Variants in FOXK1 observed in about 807,000 individuals in gnomAD.
The protein encoded by FOXK1 is forkhead box K1.
In FOXK1, 19 loss-of-function variants were observed where a neutral mutation model predicts 51.9. That is an observed-to-expected ratio of 0.37 (90% CI 0.26 to 0.54). FOXK1 has a LOEUF of 0.54. Ranked by LOEUF, FOXK1 falls within the 20% of genes least tolerant of loss-of-function variation. The pLI, the probability that FOXK1 is intolerant of heterozygous loss-of-function variation, is 0.87. For synonymous variants in FOXK1, 537 were observed against 482.6 expected, an observed-to-expected ratio of 1.11 and a Z score of -1.48; for missense variants, 870 against 1,032.7, an observed-to-expected ratio of 0.84 and a Z score of 2.16.
rs565645446 is a variant in FOXK1 at position 4,709,203 on chromosome 7, G to A, written c.560+26335G>A. Among the ~76,000 whole-genome samples, 42 of 152,200 alleles carry A rather than the reference G, an allele frequency of 2.8e-4. No homozygotes were observed. The highest frequency in any genetic ancestry group is 2.9e-5 in the Non-Finnish European group (2 of 68,008). On this transcript the variant is annotated intron_variant, in intron 1 of 8. Transcript: ENST00000328914. This position sits in a 1 kb window ranked among gnomAD's most constrained non-coding sequence, Gnocchi z 5.6. The stretch of plus-strand genomic sequence containing the variant: ...GGGCCCGAGGCCCCAGGATACCCCC[G>A]TGCCTTACCCACGCTATTTGCTGCC...
Position 4,758,842 on chromosome 7 carries a change from G to A in FOXK1, c.1245-209G>A. On this transcript the variant is annotated intron_variant, in intron 5 of 8. Transcript: ENST00000328914. The surrounding 1 kb of genome is among the most constrained non-coding windows in gnomAD (Gnocchi z 4.4). ...TGATACCGTCCCCTCTCATGGAACG[G>A]AGCCTCCCCCATGCAGCCCCCACTC... The A allele has an allele frequency of 1.7e-6, 1 of 590,136 alleles. No homozygotes were observed. 36.6% of individuals were successfully genotyped at this position (590,136 alleles called of 1,614,324 possible).
At chr7:4,705,151 G>A (rs1780067591) in intron 1 of FOXK1, among the ~76,000 whole-genome samples, 2 of 151,910 alleles carry the variant, frequency 1.3e-5, no homozygotes, top group African/African-American at 4.8e-5. Flanking sequence ...TTTTTCATCA[G>A]TCTACATTCT....
chr7:4,742,292 G>A (rs542999396), intron 2 of FOXK1, among the ~76,000 whole-genome samples: 1 of 152,240 alleles, frequency 6.6e-6, no homozygotes, highest in Non-Finnish European at 1.5e-5. Context: ...TGGAGCGAGC[G>A]CTGTGGCAAT....
At chr7:4,727,144 G>T (rs992385490) in intron 1 of FOXK1, among the ~76,000 whole-genome samples, 3 of 151,746 alleles carry the variant, frequency 2.0e-5, no homozygotes, top group African/African-American at 7.3e-5. Flanking sequence ...TAGAGACGGG[G>T]TCTCACTCTG....
At chr7:4,700,621 G>C (rs190695270) in intron 1 of FOXK1, among the ~76,000 whole-genome samples, 2 of 152,266 alleles carry the variant, frequency 1.3e-5, no homozygotes, top group Admixed American at 1.3e-4. Context: ...TTGAAGACCA[G>C]CCTGGGCAAC....
chr7:4,747,473 T>G lies in FOXK1; in HGVS notation c.746+6450T>G, dbSNP rs748515813. The stretch of plus-strand genomic sequence containing the variant: ...AGTGCACTTCAGAAACAAGTTAATT[T>G]TATTTTCTAAATTATTATTTTTAAT... On this transcript the variant is annotated intron_variant, in intron 2 of 8. Transcript: ENST00000328914. The surrounding 1 kb of genome is among the most constrained non-coding windows in gnomAD (Gnocchi z 9.2). Among the ~76,000 whole-genome samples the G allele has an allele frequency of 2.6e-5, 4 of 152,240 alleles. No homozygotes were observed. Among genetic ancestry groups the G allele is most frequent in the Admixed American group, 6.5e-5 (1 of 15,284 alleles).
rs1490320774 is a variant in FOXK1, at chr7:4,763,352, C to T, written c.*888C>T. ...GCCGCTGCTCTGCAGACCAGACCTT[C>T]CCGAATTATCCGTGGCTCCGATGTC... is the stretch of plus-strand genomic sequence containing the variant. On this transcript the variant is annotated 3_prime_UTR_variant, in exon 9 of 9. Coordinates refer to ENST00000328914, the MANE Select transcript of FOXK1 (RefSeq NM_001037165.2). 6.6e-6 allele frequency: 1 copy of T among 152,280 alleles called. No homozygotes were observed. Among genetic ancestry groups the T allele is most frequent in the Non-Finnish European group, 1.5e-5 (1 of 68,082 alleles). The allele number at this position is 152,280 out of a possible 1,614,324, so 9.4% of individuals were successfully genotyped here.
At position 4,693,995 on chromosome 7, in the gene FOXK1, C is replaced by A. The variant is rs141269943; in HGVS notation, c.560+11127C>A. 5.7e-3 allele frequency among the ~76,000 whole-genome samples: 866 copies of A among 152,304 alleles called. 10 individuals carry two copies. The highest frequency in any genetic ancestry group is 0.02 in the African/African-American group (851 of 41,566). ...TCCTGGGCTCAAACGATCCTCCTGC[C>A]TCAGCCTTCTGAGTAGCTGATACTA... On this transcript the variant is annotated intron_variant, in intron 1 of 8. Coordinates refer to ENST00000328914, the MANE Select transcript of FOXK1 (RefSeq NM_001037165.2).
chr7:4,708,893 C>T (rs1034295096), intron 1 of FOXK1, among the ~76,000 whole-genome samples: 3 of 151,994 alleles, frequency 2.0e-5, no homozygotes, highest in Non-Finnish European at 4.4e-5. Context: ...AGTGAGACCC[C>T]GTCTCTACTA....
chr7:4,725,753 G>C (rs1165469553), intron 1 of FOXK1, among the ~76,000 whole-genome samples: 1 of 152,262 alleles, frequency 6.6e-6, no homozygotes, highest in African/African-American at 2.4e-5. Context: ...TGGCTGCCCG[G>C]GCTGGGCTGC....
rs557241891 is a variant in FOXK1 at position 4,749,162 on chromosome 7, C to T, written c.747-5297C>T. 6.6e-6 allele frequency among the ~76,000 whole-genome samples: 1 copy of T among 152,270 alleles called. No homozygotes were observed. Among genetic ancestry groups the T allele is most frequent in the Admixed American group, 6.5e-5 (1 of 15,292 alleles). ...AATTCTTATTTTTTAATTTGAAGAG[C>T]GTGTTCTTGCTCTGCAGGTGTGCTT... On this transcript the variant is annotated intron_variant, in intron 2 of 8. Coordinates refer to ENST00000328914, the MANE Select transcript of FOXK1 (RefSeq NM_001037165.2). The surrounding 1 kb of genome is among the most constrained non-coding windows in gnomAD (Gnocchi z 6.0).
chr7:4,756,406 G>A lies in FOXK1; in HGVS notation c.1051-588G>A, dbSNP rs1337380362. On this transcript the variant is annotated intron_variant, in intron 4 of 8. Coordinates refer to ENST00000328914, the MANE Select transcript of FOXK1 (RefSeq NM_001037165.2). This position sits in a 1 kb window ranked among gnomAD's most constrained non-coding sequence, Gnocchi z 4.1. ...GCTGGGATTACAGGCGTGAGCCACT[G>A]TGCCCGGCCAAGACCCAGTGTTTTC... 6.6e-6 allele frequency among the ~76,000 whole-genome samples: 1 copy of A among 151,962 alleles called. No homozygotes were observed. The highest frequency in any genetic ancestry group is 1.5e-5 in the Non-Finnish European group (1 of 67,974).
Position 4,682,664 on chromosome 7 carries a change from G to T in FOXK1, c.356G>T (p.Arg119Leu). Residue 119 changes from arginine (R) to leucine (L), a missense_variant, in exon 1 of 9, where the codon CGC (arginine) becomes CTC (leucine). Arg to Leu is a moderately radical substitution (Grantham distance 102). Coordinates refer to ENST00000328914, the MANE Select transcript of FOXK1 (RefSeq NM_001037165.2). This position sits in a 1 kb window ranked among gnomAD's most constrained non-coding sequence, Gnocchi z 7.6. Reference sequence around the variant, plus strand: ...GGCCGCGAGTTCGAGTTCCTCATGCGCCAGCCCAGCGTCACCATCGGCCGC... The same window carrying T: ...GGCCGCGAGTTCGAGTTCCTCATGCTCCAGCCCAGCGTCACCATCGGCCGC... ...LEGREFEFLMRQPSVTIGRNS... is the reference protein window; with the variant it reads ...LEGREFEFLMLQPSVTIGRNS... The T allele has an allele frequency of 6.3e-7, 1 of 1,584,288 alleles. No individual in the cohort carries two copies. The highest frequency in any genetic ancestry group is 8.5e-7 in the Non-Finnish European group (1 of 1,171,410).
rs1047874390 is a variant in FOXK1 at position 4,766,728 on chromosome 7, C to A, written c.*4264C>A. On this transcript the variant is annotated 3_prime_UTR_variant, in exon 9 of 9. Transcript: ENST00000328914. This position sits in a 1 kb window ranked among gnomAD's most constrained non-coding sequence, Gnocchi z 5.5. ...CAGCTGGGCCTCGCCTCCCCGGCTC[C>A]TGGGTCCATTTTCTGTACTGGTTTG... is the stretch of plus-strand genomic sequence containing the variant. 1 of 152,276 alleles carries A rather than the reference C, an allele frequency of 6.6e-6. No homozygotes were observed. The highest frequency in any genetic ancestry group is 1.5e-5 in the Non-Finnish European group (1 of 68,152). 9.4% of individuals were successfully genotyped at this position (152,276 alleles called of 1,614,324 possible). A position where few individuals can be genotyped will look rare whatever the true frequency, so the allele number is the denominator to read the frequency against.
At chr7:4,746,339 T>C (rs1024401445) in intron 2 of FOXK1, among the ~76,000 whole-genome samples, 17 of 152,180 alleles carry the variant, frequency 1.1e-4, no homozygotes, top group African/African-American at 3.9e-4. Context: ...TGGATCTACG[T>C]TAGAAATACT....
chr7:4,691,831 G>C (rs578077957), intron 1 of FOXK1, among the ~76,000 whole-genome samples: 2 of 152,126 alleles, frequency 1.3e-5, no homozygotes, highest in African/African-American at 4.8e-5. Context: ...CCTCAGCAGA[G>C]ACCCTGTTAT....
chr7:4,756,952 C>T lies in FOXK1; in HGVS notation c.1051-42C>T. ...ATTTGAGGTGGGTGGGACTCATTTT[C>T]TGATTTGCTGGTGATGGGTGAATAT... On this transcript the variant is annotated intron_variant, in intron 4 of 8. Transcript: ENST00000328914. This position sits in a 1 kb window ranked among gnomAD's most constrained non-coding sequence, Gnocchi z 4.1. 1 of 1,599,528 alleles carries T rather than the reference C, an allele frequency of 6.3e-7. No homozygotes were observed. The highest frequency in any genetic ancestry group is 8.5e-7 in the Non-Finnish European group (1 of 1,173,500).
Position 4,731,000 on chromosome 7 carries a change from C to T in FOXK1, c.561-9838C>T, listed in dbSNP as rs891805887. On this transcript the variant is annotated intron_variant, in intron 1 of 8. Transcript: ENST00000328914. The surrounding 1 kb of genome is among the most constrained non-coding windows in gnomAD (Gnocchi z 4.7). ...TGGGCAACATAACAAGACCCTGTCT[C>T]TACAAAAAATCAAAACCATTTGCTG... is the stretch of plus-strand genomic sequence containing the variant. Among the ~76,000 whole-genome samples, 2 of 152,024 alleles carry T rather than the reference C, an allele frequency of 1.3e-5. No homozygotes were observed. Among genetic ancestry groups the T allele is most frequent in the African/African-American group, 2.4e-5 (1 of 41,384 alleles).
rs1780691321 is a variant in FOXK1 at position 4,745,476 on chromosome 7, G to GTC, written c.746+4454_746+4455insCT. ...TATGGGTGTGGGTGTGTGGTTTTGTGTGTGTGTGTGTGTTTCTGATTTATT... is the reference window on the plus strand; with the variant it reads ...TATGGGTGTGGGTGTGTGGTTTTGTGTCTGTGTGTGTGTGTTTCTGATTTATT... On this transcript the variant is annotated intron_variant, in intron 2 of 8. Coordinates refer to ENST00000328914, the MANE Select transcript of FOXK1 (RefSeq NM_001037165.2). The surrounding 1 kb of genome is among the most constrained non-coding windows in gnomAD (Gnocchi z 4.3). Among the ~76,000 whole-genome samples, 1 of 151,880 alleles carries GTC rather than the reference G, an allele frequency of 6.6e-6. No individual in the cohort carries two copies. Among genetic ancestry groups the GTC allele is most frequent in the Non-Finnish European group, 1.5e-5 (1 of 67,954 alleles).
Sources: gnomAD v4.1 joint callset for allele counts (sites outside exome capture counted in the v4.1 genomes callset) on GRCh38, gnomAD v4.1.1 for gene constraint, Gnocchi (gnomAD v3.1) non-coding constraint, MANE v1.5 for transcripts, NCBI Gene and HGNC (gene_info 2026-07-23, HGNC 2026-07-21) for gene names.